CIB1: variants seen among roughly 807,000 people sequenced by gnomAD.
The protein encoded by CIB1 is calcium and integrin-binding protein 1.
A neutral mutation model predicts 25.0 loss-of-function variants in CIB1; 19 were observed. The observed-to-expected ratio is 0.76, with a 90% confidence interval of 0.53 to 1.12. CIB1 has a LOEUF of 1.12. Ranked by LOEUF, CIB1 falls within the 50% of genes most tolerant of loss-of-function variation. CIB1 has a pLI of 0.00. For missense variants in CIB1, 236 were observed against 242.6 expected (o/e 0.97, Z 0.18); for synonymous variants, 104 against 98.5 (o/e 1.06, Z -0.33).
chr15:90,254,479 T>A, the CIB1 span, among the ~76,000 whole-genome samples: 2 of 113,640 alleles, frequency 1.8e-5, no homozygotes, highest in Non-Finnish European at 3.6e-5. Context: ...GGTGACAGAG[T>A]GAGACTCCAT....
At chr15:90,256,606 TTTCCTTCCTTCC>T in the CIB1 span, among the ~76,000 whole-genome samples, 60 of 30,536 alleles carry the variant, frequency 2.0e-3, 1 homozygote, top group African/African-American at 8.0e-3. Flanking sequence ...TCTTTCTTTC[TTTCCTTCCTTCC>T]TTCCTTCCTT....
the CIB1 span, among the ~76,000 whole-genome samples, chr15:90,249,082 G>A: frequency 9.6e-4 from 146 of 152,162 alleles, 1 homozygote; most frequent in African/African-American, 3.4e-3. Flanking sequence ...GTGGTGGCAC[G>A]CTCCTGTAGT....
the CIB1 span, among the ~76,000 whole-genome samples, chr15:90,246,787 C>CAAAAAAAAAAAAA: frequency 3.5e-4 from 16 of 45,250 alleles, 3 homozygotes; most frequent in Non-Finnish European, 4.2e-4. Flanking sequence ...GACTCTGTCT[C>CAAAAAAAAAAAAA]AAAAAAAAAA....
At chr15:90,262,113 A>C in the CIB1 span, 7 of 1,535,910 alleles carry the variant, frequency 4.6e-6, no homozygotes, top group African/African-American at 9.6e-5. Context: ...GACACAGAGA[A>C]GTATGCCCGC....
chr15:90,253,030 G>A, the CIB1 span, among the ~76,000 whole-genome samples: 1 of 152,044 alleles, frequency 6.6e-6, no homozygotes, highest in Admixed American at 6.6e-5. Context: ...CAAAAAACCA[G>A]GTTCTAGTTT....
chr15:90,233,665 TTACAG>T lies in CIB1; in HGVS notation c.85_86+3del. ...TCGGAGGCAGGGTTCAAGGCAGCAC[TTACAG>T]GAGGATCTCCTGCTTCGTCAGGAAC... On this transcript the variant is annotated splice_donor_variant and splice_donor_region_variant and coding_sequence_variant and intron_variant, in exon 2 of 7. Transcript: ENST00000328649. LOFTEE classifies it high-confidence loss of function. 1 of 1,576,804 alleles carries T rather than the reference TTACAG, an allele frequency of 6.3e-7. No individual in the cohort carries two copies. The highest frequency in any genetic ancestry group is 8.6e-7 in the Non-Finnish European group (1 of 1,160,952).
At chr15:90,265,012 G>T in the CIB1 span, 1 of 1,497,682 alleles carries the variant, frequency 6.7e-7, no homozygotes, top group Non-Finnish European at 8.9e-7. Context: ...ACCTCCCCAG[G>T]TTTCCAAAGG....
At chr15:90,263,020 G>A in the CIB1 span, 1 of 1,536,100 alleles carries the variant, frequency 6.5e-7, no homozygotes, top group Non-Finnish European at 8.7e-7. Context: ...GGAAGAGGAG[G>A]AGCTGGAGCG....
At chr15:90,265,481 G>A in the CIB1 span, 8 of 1,382,668 alleles carry the variant, frequency 5.8e-6, no homozygotes, top group Admixed American at 7.1e-5. Flanking sequence ...AGTTTTCCAG[G>A]AGCGTCCTGT....
At chr15:90,252,894 T>A in the CIB1 span, among the ~76,000 whole-genome samples, 3 of 151,888 alleles carry the variant, frequency 2.0e-5, no homozygotes, top group African/African-American at 7.3e-5. Context: ...TCCCAGCTAT[T>A]GGGGACGCTG....
chr15:90,252,658 C>T, the CIB1 span, among the ~76,000 whole-genome samples: 1 of 152,096 alleles, frequency 6.6e-6, no homozygotes, highest in Admixed American at 6.5e-5. Flanking sequence ...CAGTGTGACC[C>T]CACCTATAGG....
At chr15:90,264,536 A>G in the CIB1 span, among the ~76,000 whole-genome samples, 2 of 152,218 alleles carry the variant, frequency 1.3e-5, no homozygotes, top group Admixed American at 1.3e-4. Flanking sequence ...CCCAGCACTC[A>G]AGAGGTAATA....
chr15:90,247,693 A>T, the CIB1 span, among the ~76,000 whole-genome samples: 1 of 151,050 alleles, frequency 6.6e-6, no homozygotes, highest in Non-Finnish European at 1.5e-5. Context: ...AAGAAGGCAT[A>T]TGCAGATTTC....
the CIB1 span, among the ~76,000 whole-genome samples, chr15:90,261,444 C>G: frequency 2.0e-5 from 3 of 149,974 alleles, no homozygotes; most frequent in Non-Finnish European, 3.0e-5. Flanking sequence ...CAATCAGAAA[C>G]CTAAAAAACT....
the CIB1 span, chr15:90,263,469 T>G: frequency 6.2e-6 from 3 of 487,790 alleles, no homozygotes; most frequent in African/African-American, 5.8e-5. Flanking sequence ...CCTCAGTGGC[T>G]TCTGTATAAT....
At chr15:90,261,326 G>A in the CIB1 span, among the ~76,000 whole-genome samples, 2 of 149,686 alleles carry the variant, frequency 1.3e-5, no homozygotes, top group South Asian at 2.1e-4. Context: ...TGATCCACCC[G>A]CCTTGGCCTC....
At chr15:90,232,179 GAGT>G in intron 3 of CIB1, 37 bp downstream of exon 3, 1 of 1,492,506 alleles carries the variant, frequency 6.7e-7, no homozygotes. Flanking sequence ...AGCAGGGAGG[GAGT>G]GGTGGGAGAG....
chr15:90,232,203 A>G lies in CIB1; in HGVS notation c.195+16T>C. 6.3e-7 allele frequency: 1 copy of G among 1,596,562 alleles called. No individual in the cohort carries two copies. The highest frequency in any genetic ancestry group is 8.6e-7 in the Non-Finnish European group (1 of 1,166,510). On this transcript the variant is annotated intron_variant, in intron 3 of 6. Transcript: ENST00000328649. ...GGAGTGGTGGGAGAGGTGTCAAAGG[A>G]GGGGAGCGCTTGCACCTTGAGCTCT...
chr15:90,241,664 T>A, the CIB1 span: 1 of 1,614,222 alleles, frequency 6.2e-7, no homozygotes, highest in Middle Eastern at 1.6e-4. Flanking sequence ...ACCTCCCAGC[T>A]CCTGGCTTCC....
Sources: allele counts gnomAD v4.1 joint callset (sites outside exome capture counted in the v4.1 genomes callset), GRCh38; gene constraint gnomAD v4.1.1; transcripts MANE v1.5; gene names NCBI Gene and HGNC (gene_info 2026-07-23, HGNC 2026-07-21).